The following ATP12A variants were observed in gnomAD, a reference collection of about 807,000 sequenced individuals.
ATP12A encodes potassium-transporting ATPase alpha chain 2.
A neutral mutation model predicts 111.2 loss-of-function variants in ATP12A; 81 were observed. That is an observed-to-expected ratio of 0.73 (90% confidence interval 0.61 to 0.88). The LOEUF (loss-of-function observed/expected upper bound fraction) is 0.88. Ranked by LOEUF, ATP12A falls within the 40% of genes least tolerant of loss-of-function variation. The pLI is 0.00. For missense variants in ATP12A, 1,196 were observed against 1,313.1 expected (o/e 0.91, Z 1.38); for synonymous variants, 498 against 499.8 (o/e 1.00, Z 0.05).
At chr13:24,701,515 A>AG (rs1274078307) in intron 13 of ATP12A, among the ~76,000 whole-genome samples, 8 of 151,522 alleles carry the variant, frequency 5.3e-5, no homozygotes, top group African/African-American at 1.9e-4. Context: ...AAAAAAAAAA[A>AG]AAAAAGAAAG....
Position 24,685,105 on chromosome 13 carries a change from C to T in ATP12A, c.169-209C>T, listed in dbSNP as rs900583478. ...AGTAACAGCAAGTGCAGGATTGTGC[C>T]GACTCAGGGACAGTCACTCCTGAGG... On this transcript the variant is annotated intron_variant, in intron 2 of 22. Transcript: ENST00000381946. This position sits in a 1 kb window ranked among gnomAD's most constrained non-coding sequence, Gnocchi z 5.5. Among the ~76,000 whole-genome samples the T allele has an allele frequency of 2.6e-5, 4 of 152,132 alleles. No homozygotes were observed. The highest frequency in any genetic ancestry group is 2.0e-4 in the Admixed American group (3 of 15,272).
At chr13:24,695,497 CAGTAA>C (rs1051003727) in intron 11 of ATP12A, among the ~76,000 whole-genome samples, 1 of 150,884 alleles carries the variant, frequency 6.6e-6, no homozygotes, top group African/African-American at 2.4e-5. Flanking sequence ...CTTTGCACAA[CAGTAA>C]AGTATAGAAA....
chr13:24,689,522 A>T (rs1237580677), intron 5 of ATP12A, 147 bp downstream of exon 5: 1 of 677,478 alleles, frequency 1.5e-6, no homozygotes, highest in Non-Finnish European at 2.5e-6. Context: ...ATCTGTCAGA[A>T]CCCCAGTTCC....
chr13:24,690,089 T>C (rs1874814733), intron 5 of ATP12A, among the ~76,000 whole-genome samples: 1 of 152,014 alleles, frequency 6.6e-6, no homozygotes, highest in Non-Finnish European at 1.5e-5. Flanking sequence ...GAAAAAGTAG[T>C]TCTTAGAGTC....
At chr13:24,701,789 C>T in intron 13 of ATP12A, 146 bp from the exon 14 acceptor site, 2 of 1,032,286 alleles carry the variant, frequency 1.9e-6, no homozygotes, top group South Asian at 1.5e-5. Context: ...CCTCCAAAGA[C>T]AGTTGTCTCG....
chr13:24,689,012 G>C (rs61948078), intron 4 of ATP12A, among the ~76,000 whole-genome samples: 5,068 of 152,230 alleles, frequency 0.033, 109 homozygotes, highest in Non-Finnish European at 0.047. Context: ...AGTGACGGCA[G>C]AGGGGCCGGA....
chr13:24,699,758 G>A (rs891112716), intron 12 of ATP12A, among the ~76,000 whole-genome samples: 71 of 152,300 alleles, frequency 4.7e-4, no homozygotes, highest in African/African-American at 1.7e-3. Flanking sequence ...GTCAGCACCA[G>A]GGCTGGCGGA....
intron 11 of ATP12A, among the ~76,000 whole-genome samples, chr13:24,697,131 T>A (rs1875200640): frequency 6.6e-6 from 1 of 152,186 alleles, no homozygotes; most frequent in African/African-American, 2.4e-5. Flanking sequence ...AGCCACCAGA[T>A]AGCCACCTAT....
chr13:24,702,324 C>T (rs1376655355), intron 14 of ATP12A, among the ~76,000 whole-genome samples: 1 of 152,230 alleles, frequency 6.6e-6, no homozygotes, highest in Non-Finnish European at 1.5e-5. Context: ...ATCCAGTGTG[C>T]CCTGGGCACA....
intron 2 of ATP12A, among the ~76,000 whole-genome samples, chr13:24,681,939 T>G (rs12875071): frequency 0.043 from 5,663 of 131,428 alleles, 415 homozygotes; most frequent in African/African-American, 0.16. Context: ...GTGTAGTGTG[T>G]GGTGTGTGTG....
chr13:24,692,301 A>T, intron 8 of ATP12A, 128 bp from the exon 9 acceptor site: 2 of 988,438 alleles, frequency 2.0e-6, no homozygotes, highest in Non-Finnish European at 3.0e-6. Context: ...TGACAACCAC[A>T]CCTCTCCCCT....
intron 2 of ATP12A, among the ~76,000 whole-genome samples, chr13:24,684,325 A>G (rs1160261941): frequency 6.6e-6 from 1 of 152,202 alleles, no homozygotes; most frequent in South Asian, 2.1e-4. Flanking sequence ...ATAATAATGA[A>G]TTCTGCTTTA....
chr13:24,701,664 C>T (rs1371497816), intron 13 of ATP12A, among the ~76,000 whole-genome samples: 2 of 152,196 alleles, frequency 1.3e-5, no homozygotes, highest in Non-Finnish European at 2.9e-5. Flanking sequence ...CAAGTAGACA[C>T]TCACCAGCCC....
chr13:24,708,040 T>A (rs1875747822), intron 17 of ATP12A, among the ~76,000 whole-genome samples: 1 of 152,104 alleles, frequency 6.6e-6, no homozygotes, highest in African/African-American at 2.4e-5. Flanking sequence ...TTCCCTTTTC[T>A]TTTGGGAAGA....
intron 1 of ATP12A, 112 bp downstream of exon 1, chr13:24,680,864 C>G: frequency 7.3e-7 from 1 of 1,374,576 alleles, no homozygotes; most frequent in Non-Finnish European, 9.4e-7. Flanking sequence ...AACGCCCCGT[C>G]CCGGGGCAAG....
At chr13:24,708,847 A>G (rs955066372) in intron 17 of ATP12A, among the ~76,000 whole-genome samples, 5 of 147,532 alleles carry the variant, frequency 3.4e-5, no homozygotes, top group Non-Finnish European at 1.5e-5. Flanking sequence ...AAAGAGAGAA[A>G]GAGAGAGAGG....
At chr13:24,706,535 C>A in intron 15 of ATP12A, 72 bp downstream of exon 15, 1 of 1,555,478 alleles carries the variant, frequency 6.4e-7, no homozygotes, top group South Asian at 1.2e-5. Context: ...AGGTCTGGAT[C>A]TCACATCAGG....
intron 11 of ATP12A, 80 bp downstream of exon 11, chr13:24,694,658 A>G (rs960231366): frequency 1.4e-5 from 22 of 1,593,648 alleles, no homozygotes; most frequent in African/African-American, 2.7e-5. Context: ...TGCTTACCTC[A>G]TATTTTGAAG....
At chr13:24,708,902 AAAG>A (rs1352562675) in intron 17 of ATP12A, among the ~76,000 whole-genome samples, 1 of 67,504 alleles carries the variant, frequency 1.5e-5, no homozygotes, top group Non-Finnish European at 2.9e-5. Context: ...GAAAGAAAGG[AAAG>A]AAAGAAAGAA....
Sources: gnomAD v4.1 joint callset for allele counts (sites outside exome capture counted in the v4.1 genomes callset) on GRCh38, gnomAD v4.1.1 for gene constraint, Gnocchi (gnomAD v3.1) non-coding constraint, MANE v1.5 for transcripts, NCBI Gene and HGNC (gene_info 2026-07-23, HGNC 2026-07-21) for gene names.